The following CCSER1 variants were observed in gnomAD, a reference collection of about 807,000 sequenced individuals.
The protein encoded by CCSER1 is serine-rich coiled-coil domain-containing protein 1.
In CCSER1, 41 loss-of-function variants were observed where a neutral mutation model predicts 82.0. The observed-to-expected ratio is 0.50, with a 90% CI of 0.39 to 0.65. CCSER1 has a LOEUF of 0.65. Ranked by LOEUF, CCSER1 falls within the 30% of genes least tolerant of loss-of-function variation. CCSER1 has a pLI of 0.00. For missense variants in CCSER1, 1,119 were observed against 1,064.2 expected, an observed-to-expected ratio of 1.05 and a Z score of -0.72; for synonymous variants, 414 against 383.9, an observed-to-expected ratio of 1.08 and a Z score of -0.92.
At chr4:91,182,528 G>A (rs150001910) in intron 10 of CCSER1, among the ~76,000 whole-genome samples, 25 of 152,316 alleles carry the variant, frequency 1.6e-4, no homozygotes, top group African/African-American at 5.1e-4. Context: ...TGCAACTGCT[G>A]TTTTAGGGAG....
chr4:90,344,244 T>C (rs1326279764), intron 3 of CCSER1, among the ~76,000 whole-genome samples: 5 of 152,236 alleles, frequency 3.3e-5, no homozygotes, highest in Non-Finnish European at 7.3e-5. Flanking sequence ...AGTCGAATAG[T>C]ACTTCATTGT....
chr4:90,309,292 A>G lies in CCSER1; in HGVS notation c.1008A>G (p.Ser336=), dbSNP rs748326746. ...LEGQCSTESN[S]LPETSAANQK... The stretch of plus-strand genomic sequence containing the variant: ...GTCAATGTAGCACTGAATCTAATTC[A>G]TTACCGGAAACCTCTGCTGCTAATC... Residue 336 remains serine (S), a synonymous_variant, in exon 2 of 11, where the codon TCA becomes TCG. Coordinates refer to ENST00000509176, the MANE Select transcript of CCSER1 (RefSeq NM_001145065.2). 9 of 1,613,760 alleles carry G rather than the reference A, an allele frequency of 5.6e-6. No homozygotes were observed. Among genetic ancestry groups the G allele is most frequent in the Non-Finnish European group, 7.6e-6 (9 of 1,179,822 alleles).
chr4:91,224,294 C>A (rs1418755054), intron 10 of CCSER1, among the ~76,000 whole-genome samples: 2 of 151,956 alleles, frequency 1.3e-5, no homozygotes, highest in African/African-American at 4.8e-5. Flanking sequence ...GTATGCAGCA[C>A]TTTAACAAGA....
At chr4:90,694,815 T>A (rs1051440276) in intron 6 of CCSER1, among the ~76,000 whole-genome samples, 13 of 151,480 alleles carry the variant, frequency 8.6e-5, no homozygotes, top group African/African-American at 3.2e-4. Context: ...TGTGTGTGTG[T>A]GTGTGTGTGT....
At chr4:90,981,886 TTC>T (rs34420315) in intron 9 of CCSER1, among the ~76,000 whole-genome samples, 8,176 of 151,878 alleles carry the variant, frequency 0.054, 233 homozygotes, top group Middle Eastern at 0.086. Flanking sequence ...AAGCATTTTT[TTC>T]TTAGTCCCAA....
At chr4:91,527,974 T>A (rs1278707379) in intron 10 of CCSER1, among the ~76,000 whole-genome samples, 2 of 152,030 alleles carry the variant, frequency 1.3e-5, no homozygotes, top group Non-Finnish European at 2.9e-5. Flanking sequence ...GAGTGCAGTG[T>A]CGCGATCTCG....
chr4:91,131,116 TA>T (rs1266501722), intron 10 of CCSER1, among the ~76,000 whole-genome samples: 1 of 151,870 alleles, frequency 6.6e-6, no homozygotes, highest in Non-Finnish European at 1.5e-5. Context: ...CAGAGACACT[TA>T]TTATTTTTGT....
At chr4:91,569,435 C>T (rs1763057832) in intron 10 of CCSER1, among the ~76,000 whole-genome samples, 1 of 152,148 alleles carries the variant, frequency 6.6e-6, no homozygotes, top group Non-Finnish European at 1.5e-5. Flanking sequence ...TTGTATTAGG[C>T]TGTTCTCATG....
intron 7 of CCSER1, among the ~76,000 whole-genome samples, chr4:90,786,151 A>G (rs1262652230): frequency 6.6e-6 from 1 of 152,198 alleles, no homozygotes; most frequent in African/African-American, 2.4e-5. Flanking sequence ...AGCTGGGCAG[A>G]TAGAAAGACG....
intron 10 of CCSER1, among the ~76,000 whole-genome samples, chr4:91,363,689 A>G (rs1340803342): frequency 1.3e-5 from 2 of 151,804 alleles, no homozygotes; most frequent in South Asian, 4.1e-4. Context: ...AGATATTTGC[A>G]TCATTTTCTT....
At chr4:91,429,864 T>G (rs1258096709) in intron 10 of CCSER1, among the ~76,000 whole-genome samples, 1 of 150,950 alleles carries the variant, frequency 6.6e-6, no homozygotes. Context: ...TTAATTAAGA[T>G]AAGTATATTC....
intron 7 of CCSER1, among the ~76,000 whole-genome samples, chr4:90,770,111 A>G (rs936045055): frequency 6.6e-6 from 1 of 152,196 alleles, no homozygotes; most frequent in East Asian, 1.9e-4. Flanking sequence ...GAGGAACCCA[A>G]CAGTGAGACC....
intron 10 of CCSER1, among the ~76,000 whole-genome samples, chr4:91,589,901 T>TACAC (rs768009678): frequency 6.8e-6 from 1 of 146,712 alleles, no homozygotes; most frequent in Non-Finnish European, 1.5e-5. Flanking sequence ...ATCACACATA[T>TACAC]ACACACACAC....
intron 3 of CCSER1, among the ~76,000 whole-genome samples, chr4:90,389,708 C>T (rs947950771): frequency 9.2e-5 from 14 of 152,174 alleles, no homozygotes; most frequent in Admixed American, 6.5e-4. Flanking sequence ...ATAAATAGTC[C>T]GTATTTATTC....
intron 5 of CCSER1, among the ~76,000 whole-genome samples, chr4:90,617,341 G>T (rs927613601): frequency 1.3e-5 from 2 of 152,068 alleles, no homozygotes; most frequent in African/African-American, 4.8e-5. Context: ...TAAGAAGAGG[G>T]CTGAGTTTTT....
intron 10 of CCSER1, among the ~76,000 whole-genome samples, chr4:91,333,654 A>G (rs1222304870): frequency 2.0e-5 from 3 of 152,086 alleles, no homozygotes; most frequent in African/African-American, 7.2e-5. Flanking sequence ...AATCAATAAT[A>G]TTAATAGTGG....
intron 10 of CCSER1, among the ~76,000 whole-genome samples, chr4:91,541,930 T>C (rs1390855627): frequency 6.6e-6 from 1 of 152,216 alleles, no homozygotes; most frequent in Non-Finnish European, 1.5e-5. Context: ...CTAAATGGTG[T>C]GAGATGTTAT....
chr4:90,845,158 C>T (rs952263451), intron 8 of CCSER1, among the ~76,000 whole-genome samples: 1 of 151,888 alleles, frequency 6.6e-6, no homozygotes, highest in Admixed American at 6.6e-5. Flanking sequence ...GTCAGGAGAT[C>T]GAGACCATCG....
chr4:90,469,555 A>C (rs1764085653), intron 5 of CCSER1, among the ~76,000 whole-genome samples: 1 of 151,550 alleles, frequency 6.6e-6, no homozygotes, highest in East Asian at 1.9e-4. Flanking sequence ...ACACACACAC[A>C]CACACACACA....
Sources: gnomAD v4.1 joint callset for allele counts (sites outside exome capture counted in the v4.1 genomes callset) on GRCh38, gnomAD v4.1.1 for gene constraint, MANE v1.5 for transcripts, NCBI Gene and HGNC (gene_info 2026-07-23, HGNC 2026-07-21) for gene names.